Variants in EIF2B3 observed in about 807,000 individuals in gnomAD.
The protein encoded by EIF2B3 is translation initiation factor eIF2B subunit gamma.
EIF2B3 carries 20 observed loss-of-function variants against 54.1 expected under a neutral mutation model. The observed-to-expected ratio is 0.37, with a 90% CI of 0.26 to 0.54. The LOEUF (loss-of-function observed/expected upper bound fraction) is 0.54, where lower values mean the gene tolerates loss of function less well. Among genes scored for constraint, EIF2B3 ranks in the 20% least tolerant of loss-of-function variants. EIF2B3 has a pLI of 0.86. For missense variants in EIF2B3, 448 were observed against 547.8 expected (o/e 0.82, Z 1.82); for synonymous variants, 153 against 188.1 (o/e 0.81, Z 1.52).
chr1:44,937,862 C>G (rs1054132807), intron 4 of EIF2B3, among the ~76,000 whole-genome samples: 2 of 115,732 alleles, frequency 1.7e-5, no homozygotes, highest in East Asian at 5.7e-4. Context: ...CCAGCCTGGG[C>G]GACAGAGCGA....
At chr1:44,867,652 G>A (rs1573688671) in intron 10 of EIF2B3, among the ~76,000 whole-genome samples, 1 of 152,102 alleles carries the variant, frequency 6.6e-6, no homozygotes, top group East Asian at 1.9e-4. Flanking sequence ...TTTGCCGTAA[G>A]TAATTAAAAT....
At position 44,978,349 on chromosome 1, in the gene EIF2B3, G is replaced by A. The variant is rs113994022; in HGVS notation, c.260C>T (p.Ala87Val). 256 of 1,613,916 alleles carry A rather than the reference G, an allele frequency of 1.6e-4. No homozygotes were observed. The highest frequency in any genetic ancestry group is 2.0e-4 in the Non-Finnish European group (237 of 1,180,016). Residue 87 changes from alanine to valine, a missense_variant, in exon 3 of 12, where the codon GCA (alanine) becomes GTA (valine). This residue lies in a region of EIF2B3 where 95 missense variants were observed against 115.7 expected (regional missense o/e 0.82). Transcript: ENST00000360403. ...TGGATATATGTAGCGCAAAGAATCT[G>A]CAGTTCCCATGTCAGCGTCATCAGG... ...CIPDDADMGT[A>V]DSLRYIYPKL...
At chr1:44,859,766 A>G (rs555488963) in intron 10 of EIF2B3, among the ~76,000 whole-genome samples, 7 of 152,282 alleles carry the variant, frequency 4.6e-5, no homozygotes, top group Admixed American at 2.0e-4. Flanking sequence ...ACATTATAGG[A>G]CTGACTTTTA....
chr1:44,853,466 G>T (rs930663241), intron 11 of EIF2B3, among the ~76,000 whole-genome samples: 3 of 152,086 alleles, frequency 2.0e-5, no homozygotes, highest in African/African-American at 7.2e-5. Flanking sequence ...ATATTAGCTG[G>T]ATGTGGTGGC....
At chr1:44,893,086 G>T (rs1655854929) in intron 6 of EIF2B3, among the ~76,000 whole-genome samples, 1 of 152,042 alleles carries the variant, frequency 6.6e-6, no homozygotes, top group African/African-American at 2.4e-5. Context: ...TAGAGACAGG[G>T]TCTCTTTCTG....
chr1:44,970,931 C>A (rs1462973463), intron 3 of EIF2B3, among the ~76,000 whole-genome samples: 2 of 152,156 alleles, frequency 1.3e-5, no homozygotes, highest in Non-Finnish European at 2.9e-5. Flanking sequence ...GCCAAAGTCA[C>A]AGCTTGGAAG....
rs188875905 is a variant in EIF2B3, at chr1:44,924,268, T to A, written c.566+2360A>T. ...GATTCTAATTTCTTAAACGATTTTC[T>A]TTTTTACCTAGATCACTGATATCTC... On this transcript the variant is annotated intron_variant, in intron 5 of 11. Transcript: ENST00000360403. Among the ~76,000 whole-genome samples, 6 of 152,064 alleles carry A rather than the reference T, an allele frequency of 3.9e-5. No individual in the cohort carries two copies. The East Asian group carries it at 9.7e-4, about 25-fold the overall frequency.
chr1:44,975,355 T>C (rs1002899949), intron 3 of EIF2B3, among the ~76,000 whole-genome samples: 4 of 152,176 alleles, frequency 2.6e-5, no homozygotes, highest in Admixed American at 6.5e-5. Flanking sequence ...GAGAAATGCA[T>C]TGTTAGGTGA....
chr1:44,977,527 T>C lies in EIF2B3; in HGVS notation c.294+788A>G, dbSNP rs979719909. Reference sequence around the variant, plus strand: ...TTGCCCAGGCTGGAGTGCAGTGGCATGATCTCGGCTCACTGCAACCTCCAC... The same window carrying C: ...TTGCCCAGGCTGGAGTGCAGTGGCACGATCTCGGCTCACTGCAACCTCCAC... On this transcript the variant is annotated intron_variant, in intron 3 of 11. Transcript: ENST00000360403. 2.6e-5 allele frequency among the ~76,000 whole-genome samples: 4 copies of C among 151,814 alleles called. No homozygotes were observed. The South Asian group carries it at 8.4e-4, about 32-fold the overall frequency.
chr1:44,885,349 A>T (rs528989725), intron 6 of EIF2B3, among the ~76,000 whole-genome samples: 1 of 152,348 alleles, frequency 6.6e-6, no homozygotes, highest in South Asian at 2.1e-4. Flanking sequence ...GAAGTAAAAA[A>T]CTAAAATAAG....
At chr1:44,895,868 A>C (rs138116974) in intron 6 of EIF2B3, among the ~76,000 whole-genome samples, 8 of 152,292 alleles carry the variant, frequency 5.3e-5, no homozygotes, top group Non-Finnish European at 7.3e-5. Context: ...CCTTTCTAAC[A>C]CAGTTGTGTT....
At chr1:44,851,120 A>G in intron 11 of EIF2B3, 117 bp from the exon 12 acceptor site, 1 of 975,382 alleles carries the variant, frequency 1.0e-6, no homozygotes, top group Non-Finnish European at 1.6e-6. Flanking sequence ...GCTGGAGTGC[A>G]GTGGCACAAT....
chr1:44,977,726 A>C (rs775236454), intron 3 of EIF2B3, among the ~76,000 whole-genome samples: 6 of 152,142 alleles, frequency 3.9e-5, no homozygotes, highest in Non-Finnish European at 8.8e-5. Context: ...TGGCCTCCCA[A>C]AGGGATTACA....
intron 4 of EIF2B3, chr1:44,932,527 C>T (rs1643905547): frequency 6.6e-6 from 1 of 152,110 alleles, no homozygotes; most frequent in Non-Finnish European, 1.5e-5. Flanking sequence ...CCTAATACAA[C>T]CTGGTGACTA....
intron 3 of EIF2B3, chr1:44,958,985 C>A: frequency 2.7e-6 from 2 of 751,830 alleles, no homozygotes; most frequent in Non-Finnish European, 2.4e-6. Context: ...AAGGGGAAGT[C>A]ACCTCCATGA....
intron 5 of EIF2B3, among the ~76,000 whole-genome samples, chr1:44,907,144 A>G (rs1643426858): frequency 6.6e-6 from 1 of 152,230 alleles, no homozygotes; most frequent in Admixed American, 6.5e-5. Flanking sequence ...CTGGATTACT[A>G]CAATACCTTC....
At chr1:44,894,100 C>A (rs1236164922) in intron 6 of EIF2B3, among the ~76,000 whole-genome samples, 1 of 152,144 alleles carries the variant, frequency 6.6e-6, no homozygotes, top group East Asian at 1.9e-4. Context: ...AGATCAGCTT[C>A]TTTAGGCTTA....
At chr1:44,852,830 G>A (rs1339687276) in intron 11 of EIF2B3, among the ~76,000 whole-genome samples, 5 of 151,314 alleles carry the variant, frequency 3.3e-5, no homozygotes, top group Non-Finnish European at 7.4e-5. Context: ...AGATGGAACA[G>A]TGTAGTTATG....
chr1:44,954,114 A>G (rs1270837791), intron 3 of EIF2B3, among the ~76,000 whole-genome samples: 2 of 152,240 alleles, frequency 1.3e-5, no homozygotes, highest in Non-Finnish European at 2.9e-5. Context: ...ATTAAAAGTG[A>G]AAATACAATA....
Sources: allele counts gnomAD v4.1 joint callset (sites outside exome capture counted in the v4.1 genomes callset), GRCh38; gene constraint gnomAD v4.1.1; regional missense constraint gnomAD v4.1.1; transcripts MANE v1.5; gene names NCBI Gene and HGNC (gene_info 2026-07-23, HGNC 2026-07-21).